The following CACNA2D3 variants were observed in gnomAD, a reference collection of about 807,000 sequenced individuals.
The protein encoded by CACNA2D3 is voltage-dependent calcium channel subunit alpha-2/delta-3.
Under a neutral mutation model 160.6 loss-of-function variants are expected in CACNA2D3, and 60 were observed. The observed-to-expected ratio is 0.37, with a 90% CI of 0.30 to 0.46. CACNA2D3 has a LOEUF of 0.46. Ranked by LOEUF, CACNA2D3 falls within the 20% of genes least tolerant of loss-of-function variation. The probability of loss-of-function intolerance (pLI) is 1.00; values close to 1 mark genes in which losing one functional copy is unlikely to be tolerated. For missense variants in CACNA2D3, 1,205 were observed against 1,365.0 expected, an observed-to-expected ratio of 0.88 and a Z score of 1.85; for synonymous variants, 558 against 492.9, an observed-to-expected ratio of 1.13 and a Z score of -1.75.
intron 3 of CACNA2D3, among the ~76,000 whole-genome samples, chr3:54,339,281 G>C (rs1351287978): frequency 6.6e-6 from 1 of 151,992 alleles, no homozygotes; most frequent in Non-Finnish European, 1.5e-5. Context: ...ACCAAAATCT[G>C]GTCTCTCCTT....
chr3:54,634,601 G>A (rs2106829996), intron 10 of CACNA2D3: 1 of 152,236 alleles, frequency 6.6e-6, no homozygotes, highest in East Asian at 1.9e-4. Context: ...AGGGAGATAA[G>A]GGTGGGGCCG....
At chr3:54,155,583 A>G (rs1253794273) in intron 2 of CACNA2D3, among the ~76,000 whole-genome samples, 2 of 152,202 alleles carry the variant, frequency 1.3e-5, no homozygotes, top group African/African-American at 4.8e-5. Flanking sequence ...CAACATCGAG[A>G]TTTTGTTTTA....
chr3:54,906,010 C>T (rs563879389), intron 27 of CACNA2D3, among the ~76,000 whole-genome samples: 17 of 152,208 alleles, frequency 1.1e-4, no homozygotes, highest in South Asian at 1.0e-3. Flanking sequence ...GGGTGTCAGG[C>T]GATTGTCAAT....
intron 10 of CACNA2D3, among the ~76,000 whole-genome samples, chr3:54,634,003 A>G (rs1699306003): frequency 6.6e-6 from 1 of 152,174 alleles, no homozygotes; most frequent in African/African-American, 2.4e-5. Context: ...AGGCAATTCC[A>G]TTCATCCATT....
chr3:54,837,018 G>C, intron 14 of CACNA2D3, 141 bp from the exon 15 acceptor site: 1 of 699,724 alleles, frequency 1.4e-6, no homozygotes, highest in Non-Finnish European at 2.6e-6. Context: ...ATTGTGCTCC[G>C]CGCTCCACTA....
At chr3:54,653,397 C>T (rs186083062) in intron 11 of CACNA2D3, among the ~76,000 whole-genome samples, 57 of 152,272 alleles carry the variant, frequency 3.7e-4, no homozygotes, top group African/African-American at 1.4e-3. Flanking sequence ...GCTGAAGTCA[C>T]ATTTGGTCCA....
intron 9 of CACNA2D3, among the ~76,000 whole-genome samples, chr3:54,618,383 A>ATG (rs1213852171): frequency 1.0e-4 from 14 of 140,614 alleles, no homozygotes; most frequent in Non-Finnish European, 1.9e-4. Flanking sequence ...ATGCACACAC[A>ATG]CACACACACA....
At chr3:54,405,231 A>T (rs1699553009) in intron 4 of CACNA2D3, among the ~76,000 whole-genome samples, 1 of 150,736 alleles carries the variant, frequency 6.6e-6, no homozygotes, top group South Asian at 2.1e-4. Flanking sequence ...ATTTATGTGG[A>T]ACCACATTAA....
At chr3:54,249,024 T>TA (rs1262398332) in intron 2 of CACNA2D3, among the ~76,000 whole-genome samples, 2 of 152,214 alleles carry the variant, frequency 1.3e-5, no homozygotes, top group Non-Finnish European at 2.9e-5. Flanking sequence ...CCTCTTGTCA[T>TA]GTAATGTAAG....
intron 13 of CACNA2D3, among the ~76,000 whole-genome samples, chr3:54,787,469 T>C (rs1459832112): frequency 2.0e-5 from 3 of 152,248 alleles, no homozygotes; most frequent in Non-Finnish European, 2.9e-5. Flanking sequence ...ACTTTTCATC[T>C]ACCCTCTTAG....
At chr3:54,371,762 C>G (rs1698929591) in intron 3 of CACNA2D3, among the ~76,000 whole-genome samples, 1 of 152,154 alleles carries the variant, frequency 6.6e-6, no homozygotes, top group South Asian at 2.1e-4. Flanking sequence ...ACTTCTGTCA[C>G]TTTATTTTTT....
chr3:54,660,954 G>T (rs573728089), intron 11 of CACNA2D3, among the ~76,000 whole-genome samples: 2 of 152,298 alleles, frequency 1.3e-5, no homozygotes, highest in African/African-American at 4.8e-5. Context: ...TGACTGATGG[G>T]CCTCTTTGGG....
At chr3:54,306,068 T>C (rs1267608701) in intron 2 of CACNA2D3, among the ~76,000 whole-genome samples, 1 of 152,180 alleles carries the variant, frequency 6.6e-6, no homozygotes, top group African/African-American at 2.4e-5. Flanking sequence ...TTTAATATAA[T>C]CAGTTTCTTT....
chr3:54,856,396 G>A (rs1415746132), intron 17 of CACNA2D3, among the ~76,000 whole-genome samples: 2 of 152,128 alleles, frequency 1.3e-5, no homozygotes, highest in Non-Finnish European at 2.9e-5. Flanking sequence ...CAGATAACAT[G>A]GATGAGTTAC....
chr3:54,559,174 A>G (rs1440506120), intron 5 of CACNA2D3, among the ~76,000 whole-genome samples: 7 of 152,232 alleles, frequency 4.6e-5, no homozygotes, highest in African/African-American at 1.7e-4. Flanking sequence ...CAGAGGTTAA[A>G]AAGAAAAAGT....
chr3:54,503,128 T>G (rs943029194), intron 4 of CACNA2D3, among the ~76,000 whole-genome samples: 3 of 152,230 alleles, frequency 2.0e-5, no homozygotes, highest in African/African-American at 7.2e-5. Flanking sequence ...TGCCTGTTAT[T>G]TTTTGCTGAT....
At chr3:54,856,144 G>T (rs774445047) in intron 17 of CACNA2D3, among the ~76,000 whole-genome samples, 2 of 152,194 alleles carry the variant, frequency 1.3e-5, no homozygotes, top group South Asian at 2.1e-4. Context: ...GAGGTACTTG[G>T]CAAAGGAGGT....
chr3:54,688,788 GTC>G (rs1559549948), intron 11 of CACNA2D3, among the ~76,000 whole-genome samples: 2 of 151,264 alleles, frequency 1.3e-5, no homozygotes, highest in Admixed American at 6.6e-5. Context: ...GGATCTCAAG[GTC>G]AGGGGTTCAA....
chr3:54,668,890 T>C (rs1179368359), intron 11 of CACNA2D3, among the ~76,000 whole-genome samples: 2 of 152,236 alleles, frequency 1.3e-5, no homozygotes, highest in Non-Finnish European at 2.9e-5. Context: ...TTCTGTGAGA[T>C]AGCATTTTTA....
Sources: gnomAD v4.1 joint callset for allele counts (sites outside exome capture counted in the v4.1 genomes callset) on GRCh38, gnomAD v4.1.1 for gene constraint, MANE v1.5 for transcripts, NCBI Gene and HGNC (gene_info 2026-07-23, HGNC 2026-07-21) for gene names.